The following PTPRD variants were observed in gnomAD, a reference collection of about 807,000 sequenced individuals.
PTPRD encodes the protein protein tyrosine phosphatase receptor type D.
A neutral mutation model predicts 214.5 loss-of-function variants in PTPRD; 34 were observed. The observed-to-expected ratio is 0.16, with a 90% confidence interval of 0.12 to 0.21. The LOEUF is 0.21. Among genes scored for constraint, PTPRD ranks in the 10% least tolerant of loss-of-function variants. The probability of loss-of-function intolerance (pLI) is 1.00; values close to 1 mark genes in which losing one functional copy is unlikely to be tolerated. For synonymous variants in PTPRD, 1,128 were observed against 845.7 expected, an observed-to-expected ratio of 1.33 and a Z score of -5.79; for missense variants, 2,545 against 2,398.7, an observed-to-expected ratio of 1.06 and a Z score of -1.27.
chr9:9,615,111 C>T (rs185270517), intron 7 of PTPRD, among the ~76,000 whole-genome samples: 1 of 152,258 alleles, frequency 6.6e-6, no homozygotes, highest in Admixed American at 6.5e-5. Context: ...CAATACTTGT[C>T]CTTTTGTGAC....
intron 14 of PTPRD, among the ~76,000 whole-genome samples, chr9:8,599,920 C>A (rs1191731355): frequency 6.6e-6 from 1 of 152,104 alleles, no homozygotes. Flanking sequence ...GCCTGGCCGG[C>A]CCCTCCCCTT....
At chr9:9,741,556 T>A (rs1174642439) in intron 6 of PTPRD, among the ~76,000 whole-genome samples, 1 of 152,132 alleles carries the variant, frequency 6.6e-6, no homozygotes, top group South Asian at 2.1e-4. Flanking sequence ...GCTGCACCCA[T>A]CAACCCATCA....
intron 10 of PTPRD, among the ~76,000 whole-genome samples, chr9:9,061,133 G>A (rs963314019): frequency 6.6e-6 from 1 of 152,172 alleles, no homozygotes; most frequent in Non-Finnish European, 1.5e-5. Context: ...GGACAAAAGG[G>A]AGACTGTCAG....
intron 35 of PTPRD, among the ~76,000 whole-genome samples, chr9:8,431,865 C>G (rs1244061447): frequency 1.3e-5 from 2 of 152,192 alleles, no homozygotes; most frequent in Non-Finnish European, 2.9e-5. Flanking sequence ...GGAGGAGTCC[C>G]TCTTTTTCTA....
chr9:9,763,412 G>C (rs2098678218), intron 6 of PTPRD, among the ~76,000 whole-genome samples: 1 of 151,854 alleles, frequency 6.6e-6, no homozygotes, highest in African/African-American at 2.4e-5. Flanking sequence ...TGTATTAAAG[G>C]GGTATGGTAT....
At chr9:10,394,853 C>A (rs1455814586) in intron 2 of PTPRD, among the ~76,000 whole-genome samples, 1 of 151,524 alleles carries the variant, frequency 6.6e-6, no homozygotes, top group Non-Finnish European at 1.5e-5. Flanking sequence ...ATTTTAGGTA[C>A]CAAGATGGTC....
intron 39 of PTPRD, among the ~76,000 whole-genome samples, chr9:8,348,379 T>C (rs1019951547): frequency 6.6e-6 from 1 of 152,146 alleles, no homozygotes; most frequent in Non-Finnish European, 1.5e-5. Context: ...CTTATATATC[T>C]GAGAAACCCT....
intron 11 of PTPRD, among the ~76,000 whole-genome samples, chr9:8,900,811 C>T (rs150029531): frequency 0.011 from 1,614 of 152,274 alleles, 10 homozygotes; most frequent in Non-Finnish European, 0.015. Context: ...AGTTGTAAAA[C>T]AAATGCTTGG....
rs567832097 is a variant in PTPRD at position 10,218,732 on chromosome 9, T to A, written c.-545+122231A>T. ...CTGGTATAAAGTTCACCAAATGCACTGGATATTTATAAATAGGGAGCCTTG... is the reference window on the plus strand; with the variant it reads ...CTGGTATAAAGTTCACCAAATGCACAGGATATTTATAAATAGGGAGCCTTG... On this transcript the variant is annotated intron_variant, in intron 3 of 45. Transcript: ENST00000381196. 3.3e-5 allele frequency among the ~76,000 whole-genome samples: 5 copies of A among 151,982 alleles called. No homozygotes were observed. The East Asian group carries it at 7.8e-4, about 24-fold the overall frequency.
At chr9:9,184,728 G>A (rs1221168724) in intron 9 of PTPRD, among the ~76,000 whole-genome samples, 4 of 152,032 alleles carry the variant, frequency 2.6e-5, no homozygotes, top group East Asian at 1.9e-4. Context: ...AACTAGTTTT[G>A]TCTTGTTTGA....
intron 12 of PTPRD, among the ~76,000 whole-genome samples, chr9:8,646,611 G>T (rs2096698328): frequency 6.6e-6 from 1 of 152,008 alleles, no homozygotes; most frequent in Non-Finnish European, 1.5e-5. Flanking sequence ...TAAGTCCTTG[G>T]AAGCCTTCTT....
At chr9:9,354,279 G>T (rs1166362056) in intron 9 of PTPRD, among the ~76,000 whole-genome samples, 1 of 151,588 alleles carries the variant, frequency 6.6e-6, no homozygotes, top group African/African-American at 2.4e-5. Context: ...GACATGTATG[G>T]GTATATGAAT....
intron 11 of PTPRD, among the ~76,000 whole-genome samples, chr9:8,765,097 C>T (rs568591442): frequency 4.6e-5 from 7 of 152,100 alleles, no homozygotes; most frequent in Admixed American, 6.5e-5. Flanking sequence ...TGAAATAAAA[C>T]GCCCTTTGAG....
intron 5 of PTPRD, among the ~76,000 whole-genome samples, chr9:9,886,243 T>C (rs2070865046): frequency 1.3e-5 from 2 of 152,058 alleles, no homozygotes; most frequent in African/African-American, 4.8e-5. Flanking sequence ...AATTGCTATA[T>C]GCCCGTCACT....
At chr9:8,689,459 G>A (rs892638761) in intron 12 of PTPRD, among the ~76,000 whole-genome samples, 4 of 150,616 alleles carry the variant, frequency 2.7e-5, no homozygotes, top group African/African-American at 1.0e-4. Context: ...ACATGGCTGG[G>A]AAGGCCTCAG....
chr9:9,020,225 T>G (rs571931828), intron 10 of PTPRD, among the ~76,000 whole-genome samples: 3 of 152,160 alleles, frequency 2.0e-5, no homozygotes, highest in Admixed American at 1.3e-4. Flanking sequence ...AATAAAGCTC[T>G]AAAAAAGTGG....
chr9:9,928,698 G>C (rs1263849492), intron 5 of PTPRD, among the ~76,000 whole-genome samples: 6 of 150,388 alleles, frequency 4.0e-5, no homozygotes, highest in African/African-American at 1.5e-4. Flanking sequence ...TTTGGTGAAA[G>C]AAAATAAAGA....
chr9:9,843,777 T>C (rs866877643), intron 5 of PTPRD, among the ~76,000 whole-genome samples: 16 of 152,134 alleles, frequency 1.1e-4, no homozygotes, highest in African/African-American at 3.4e-4. Context: ...TTAAATAATA[T>C]TAAAATGAAA....
At chr9:8,593,228 C>G (rs1014101679) in intron 14 of PTPRD, among the ~76,000 whole-genome samples, 25 of 152,132 alleles carry the variant, frequency 1.6e-4, no homozygotes, top group African/African-American at 5.6e-4. Flanking sequence ...TTATCTTTAT[C>G]TTTGTGAGGT....
Sources: gnomAD v4.1 joint callset for allele counts (sites outside exome capture counted in the v4.1 genomes callset) on GRCh38, gnomAD v4.1.1 for gene constraint, MANE v1.5 for transcripts, NCBI Gene and HGNC (gene_info 2026-07-23, HGNC 2026-07-21) for gene names.